The following DISP1 variants were observed in gnomAD, a reference collection of about 807,000 sequenced individuals.
DISP1 encodes the protein protein dispatched homolog 1.
Under a neutral mutation model 37.3 loss-of-function variants are expected in DISP1, and 30 were observed. The ratio of observed to expected loss-of-function variants is 0.80; its 90% confidence interval spans 0.60 to 1.09. The LOEUF is 1.09. Among genes scored for constraint, DISP1 ranks in the 50% least tolerant of loss-of-function variants. The pLI is 0.00. For missense variants in DISP1, 1,598 were observed against 1,879.5 expected (o/e 0.85, Z 2.77); for synonymous variants, 634 against 690.2 (o/e 0.92, Z 1.28).
At chr1:222,901,992 C>T (rs530471724) in intron 1 of DISP1, among the ~76,000 whole-genome samples, 11 of 152,154 alleles carry the variant, frequency 7.2e-5, no homozygotes, top group African/African-American at 1.9e-4. Flanking sequence ...TCTGTGGGAT[C>T]GGTGGTGATA....
rs768890427 is a variant in DISP1, at chr1:223,005,459, T to C, written c.4062T>C (p.Asn1354=). 10 of 1,613,540 alleles carry C rather than the reference T, an allele frequency of 6.2e-6. No individual in the cohort carries two copies. The East Asian group carries it at 2.0e-4, about 32-fold the overall frequency. ...PAGMQNSLPR[N]FFLHPVQHIQ... is the part of the protein sequence containing the mutation. ...GAATGCAGAATTCTCTGCCTAGGAA[T>C]TTTTTCCTCCACCCAGTGCAGCACA... The change falls in exon 9 of 9, where the codon AAT becomes AAC. Residue 1354 remains asparagine (N), a synonymous_variant. Transcript: ENST00000675850.
Position 222,867,754 on chromosome 1 carries a change from A to G in DISP1, c.-159+52676A>G, listed in dbSNP as rs531689740. On this transcript the variant is annotated intron_variant, in intron 1 of 8. Transcript: ENST00000675850. ...TCTCTGTCAGGTGTATCTTTGTTGT[A>G]AATAATTGACTTCTAACTGCCATAT... 1.2e-4 allele frequency among the ~76,000 whole-genome samples: 18 copies of G among 152,284 alleles called. No homozygotes were observed. In the East Asian group the frequency reaches 2.1e-3, roughly 18 times the overall value.
At chr1:222,832,323 C>G (rs1665963852) in intron 1 of DISP1, among the ~76,000 whole-genome samples, 1 of 152,062 alleles carries the variant, frequency 6.6e-6, no homozygotes, top group South Asian at 2.1e-4. Context: ...TTTCTTAACC[C>G]TTTCAGATAG....
At chr1:222,985,712 G>A (rs1403628466) in intron 4 of DISP1, among the ~76,000 whole-genome samples, 2 of 152,144 alleles carry the variant, frequency 1.3e-5, no homozygotes, top group African/African-American at 4.8e-5. Flanking sequence ...GTAGATATTT[G>A]TGTGCCTGTC....
intron 2 of DISP1, among the ~76,000 whole-genome samples, chr1:222,931,040 T>G (rs1200094034): frequency 6.6e-6 from 1 of 151,982 alleles, no homozygotes; most frequent in Non-Finnish European, 1.5e-5. Context: ...CTTCTCAAAC[T>G]TCACAAAACA....
At chr1:222,861,984 A>G (rs1381441807) in intron 1 of DISP1, among the ~76,000 whole-genome samples, 2 of 152,184 alleles carry the variant, frequency 1.3e-5, no homozygotes, top group Non-Finnish European at 2.9e-5. Context: ...ATTAAAAGAG[A>G]GTAGTAATAA....
intron 2 of DISP1, among the ~76,000 whole-genome samples, chr1:222,930,239 G>A (rs1048578560): frequency 1.3e-5 from 2 of 152,106 alleles, no homozygotes; most frequent in Admixed American, 1.3e-4. Context: ...CATTCTTGCT[G>A]TATGATTCTT....
chr1:222,894,077 T>C (rs1294190580), intron 1 of DISP1, among the ~76,000 whole-genome samples: 1 of 152,130 alleles, frequency 6.6e-6, no homozygotes, highest in East Asian at 1.9e-4. Flanking sequence ...TGTGTGAATC[T>C]GACTGGGTGG....
In DISP1 at chr1:222,908,809, A is replaced by AT. The variant is rs972847049; in HGVS notation, c.-158-19614dup. Among the ~76,000 whole-genome samples the AT allele has an allele frequency of 3.0e-4, 45 of 151,780 alleles. 1 individual carries two copies. The highest frequency in any genetic ancestry group is 2.5e-3 in the Admixed American group (38 of 15,222). ...GAAGCCTTTTCCAGAAGCAAAGACC[A>AT]TTTTTTTCTGATCACTACAGAAGAT... On this transcript the variant is annotated intron_variant, in intron 1 of 8. Transcript: ENST00000675850.
chr1:222,940,525 C>T (rs1338040167), intron 2 of DISP1, among the ~76,000 whole-genome samples: 1 of 152,166 alleles, frequency 6.6e-6, no homozygotes, highest in Non-Finnish European at 1.5e-5. Flanking sequence ...CACTTTGAAA[C>T]TTTTAAGTCA....
At chr1:222,958,661 A>T (rs1450137595) in intron 3 of DISP1, among the ~76,000 whole-genome samples, 1 of 152,142 alleles carries the variant, frequency 6.6e-6, no homozygotes, top group Non-Finnish European at 1.5e-5. Flanking sequence ...TCTTTGGTTA[A>T]ACTAAGAGAT....
At chr1:222,841,314 A>G (rs2125290507) in intron 1 of DISP1, among the ~76,000 whole-genome samples, 1 of 152,282 alleles carries the variant, frequency 6.6e-6, no homozygotes, top group East Asian at 1.9e-4. Context: ...TCAAACATTT[A>G]TGCATTGTTT....
Position 223,005,796 on chromosome 1 carries a change from T to C in DISP1, c.4399T>C (p.Leu1467=). Residue 1467 remains leucine (L), a synonymous_variant, in exon 9 of 9, where the codon TTA becomes CTA. Transcript: ENST00000675850. ...QNEPKVLFNH[L]MGEAGCRSCP... is the part of the protein sequence containing the mutation. Reference sequence around the variant, plus strand: ...TGAACCAAAAGTCCTATTTAATCATTTAATGGGGGAGGCTGGTTGTAGGTC... The same window carrying C: ...TGAACCAAAAGTCCTATTTAATCATCTAATGGGGGAGGCTGGTTGTAGGTC... The C allele has an allele frequency of 6.2e-7, 1 of 1,614,154 alleles. No homozygotes were observed. The highest frequency in any genetic ancestry group is 8.5e-7 in the Non-Finnish European group (1 of 1,180,018).
chr1:222,915,198 T>G (rs1401800082), intron 1 of DISP1, among the ~76,000 whole-genome samples: 4 of 152,220 alleles, frequency 2.6e-5, no homozygotes, highest in African/African-American at 9.6e-5. Flanking sequence ...TTCTTTGATC[T>G]AAATAAATGG....
At chr1:222,995,309 T>A (rs1238390939) in intron 8 of DISP1, among the ~76,000 whole-genome samples, 1 of 152,242 alleles carries the variant, frequency 6.6e-6, no homozygotes, top group Non-Finnish European at 1.5e-5. Context: ...GTATTTTTAT[T>A]TCCTAACCTA....
intron 1 of DISP1, among the ~76,000 whole-genome samples, chr1:222,828,038 A>G (rs61839589): frequency 0.21 from 31,510 of 152,112 alleles, 3,579 homozygotes; most frequent in Non-Finnish European, 0.24. Context: ...CTTTGTTTGA[A>G]GACTGTACTA....
At chr1:222,820,343 GA>G (rs2125136278) in intron 1 of DISP1, among the ~76,000 whole-genome samples, 2 of 152,300 alleles carry the variant, frequency 1.3e-5, no homozygotes, top group South Asian at 4.1e-4. Flanking sequence ...CATGGGGCTT[GA>G]AAGGATTTTG....
Position 223,002,583 on chromosome 1 carries a change from C to T in DISP1, c.1186C>T (p.Pro396Ser). 1 of 1,614,176 alleles carries T rather than the reference C, an allele frequency of 6.2e-7. No homozygotes were observed. Among genetic ancestry groups the T allele is most frequent in the Non-Finnish European group, 8.5e-7 (1 of 1,180,032 alleles). ...ACACTACCAAAATGGCACTCTGGGG[C>T]CAGACTGCTGGGACATGGCAGCCAG... ...AKHYQNGTLG[P>S]DCWDMAARRK... Residue 396 changes from proline to serine, a missense_variant, in exon 9 of 9, where the codon CCA (proline) becomes TCA (serine). By Grantham distance (74) the Pro-to-Ser change is moderately conservative. Coordinates refer to ENST00000675850, the MANE Select transcript of DISP1 (RefSeq NM_001377229.1).
chr1:222,968,938 A>G (rs1363515390), intron 3 of DISP1, among the ~76,000 whole-genome samples: 4 of 151,986 alleles, frequency 2.6e-5, no homozygotes, highest in Non-Finnish European at 2.9e-5. Flanking sequence ...TGTCTCAAAA[A>G]AAAAGGAGTT....
Sources: gnomAD v4.1 joint callset for allele counts (sites outside exome capture counted in the v4.1 genomes callset) on GRCh38, gnomAD v4.1.1 for gene constraint, MANE v1.5 for transcripts, NCBI Gene and HGNC (gene_info 2026-07-23, HGNC 2026-07-21) for gene names.